SPATA17: variants seen among roughly 807,000 people sequenced by gnomAD.
The protein encoded by SPATA17 is spermatogenesis-associated protein 17.
A neutral mutation model predicts 62.2 loss-of-function variants in SPATA17; 53 were observed. The observed-to-expected ratio is 0.85, with a 90% confidence interval of 0.68 to 1.07. The LOEUF (loss-of-function observed/expected upper bound fraction) is 1.07. Among genes scored for constraint, SPATA17 ranks in the 50% least tolerant of loss-of-function variants. SPATA17 has a pLI of 0.00. For synonymous variants in SPATA17, 146 were observed against 146.8 expected (o/e 0.99, Z 0.04); for missense variants, 466 against 425.5 (o/e 1.10, Z -0.84).
chr1:217,675,469 AT>A (rs1351717892), intron 4 of SPATA17, among the ~76,000 whole-genome samples: 1 of 152,132 alleles, frequency 6.6e-6, no homozygotes, highest in African/African-American at 2.4e-5. Context: ...TGAAATGTTC[AT>A]TGTCTTGTAG....
At chr1:217,729,927 G>C (rs919664316) in intron 5 of SPATA17, among the ~76,000 whole-genome samples, 1 of 152,080 alleles carries the variant, frequency 6.6e-6, no homozygotes, top group Non-Finnish European at 1.5e-5. Flanking sequence ...TTAACAAAAG[G>C]AAAAAGCTCA....
intron 5 of SPATA17, among the ~76,000 whole-genome samples, chr1:217,688,073 A>G (rs1671261038): frequency 6.6e-6 from 1 of 152,068 alleles, no homozygotes; most frequent in South Asian, 2.1e-4. Flanking sequence ...CTTAACTTTT[A>G]AAACCGGAGG....
At chr1:217,717,471 C>T (rs895431712) in intron 5 of SPATA17, among the ~76,000 whole-genome samples, 1 of 151,846 alleles carries the variant, frequency 6.6e-6, no homozygotes, top group South Asian at 2.1e-4. Flanking sequence ...AATTAGCTGG[C>T]GAGGTGGTGG....
At chr1:217,697,000 T>A (rs556530736) in intron 5 of SPATA17, among the ~76,000 whole-genome samples, 106 of 152,268 alleles carry the variant, frequency 7.0e-4, no homozygotes, top group African/African-American at 2.5e-3. Context: ...TCTTTGTTTT[T>A]TTGTTGTTGT....
chr1:217,831,165 A>C (rs984610934), intron 9 of SPATA17, among the ~76,000 whole-genome samples: 5 of 152,134 alleles, frequency 3.3e-5, no homozygotes, highest in African/African-American at 9.7e-5. Context: ...ATGGATTCTA[A>C]AGAGAAAATT....
chr1:217,660,711 A>G (rs960525698), intron 3 of SPATA17, among the ~76,000 whole-genome samples: 1 of 152,126 alleles, frequency 6.6e-6, no homozygotes, highest in Non-Finnish European at 1.5e-5. Context: ...TGCTCCTTCA[A>G]CCTTAGGGCT....
intron 5 of SPATA17, among the ~76,000 whole-genome samples, chr1:217,717,602 C>T (rs890394927): frequency 6.6e-6 from 1 of 151,998 alleles, no homozygotes; most frequent in African/African-American, 2.4e-5. Context: ...GAGTGATACT[C>T]TATCTCAAAA....
intron 3 of SPATA17, among the ~76,000 whole-genome samples, chr1:217,666,787 C>A (rs2102895112): frequency 6.6e-6 from 1 of 152,150 alleles, no homozygotes; most frequent in East Asian, 1.9e-4. Context: ...TATTCTAGTA[C>A]CTCATGTAAG....
intron 5 of SPATA17, among the ~76,000 whole-genome samples, chr1:217,723,040 C>T (rs576003483): frequency 5.3e-5 from 8 of 152,298 alleles, no homozygotes; most frequent in African/African-American, 1.9e-4. Flanking sequence ...CCCAGAGAAT[C>T]TTCCACATAT....
intron 8 of SPATA17, among the ~76,000 whole-genome samples, chr1:217,800,946 T>A (rs1674294022): frequency 6.6e-6 from 1 of 152,188 alleles, no homozygotes; most frequent in Admixed American, 6.5e-5. Flanking sequence ...AGAGTTTATA[T>A]GGGTTTTAAA....
At chr1:217,802,952 G>A (rs1332124941) in intron 9 of SPATA17, among the ~76,000 whole-genome samples, 8 of 152,016 alleles carry the variant, frequency 5.3e-5, no homozygotes, top group Middle Eastern at 3.4e-3. Context: ...TCGCTCTGTC[G>A]CTCAGGCTGG....
chr1:217,834,413 C>T (rs192445891), intron 9 of SPATA17, among the ~76,000 whole-genome samples: 1 of 152,132 alleles, frequency 6.6e-6, no homozygotes, highest in East Asian at 1.9e-4. Context: ...GATGACAGCT[C>T]CATGTGTGTT....
intron 9 of SPATA17, among the ~76,000 whole-genome samples, chr1:217,808,786 C>G (rs1410976772): frequency 6.6e-6 from 1 of 150,520 alleles, no homozygotes; most frequent in Non-Finnish European, 1.5e-5. Flanking sequence ...ACCTGGGAAG[C>G]AGAGGTTGCA....
At chr1:217,866,200 C>G (rs931323721) in intron 10 of SPATA17, among the ~76,000 whole-genome samples, 8 of 152,094 alleles carry the variant, frequency 5.3e-5, no homozygotes, top group African/African-American at 1.9e-4. Flanking sequence ...TTTTGTCATT[C>G]AGTTTGGCAT....
rs201718726 is a variant in SPATA17 at position 217,690,481 on chromosome 1, T to A, written c.395+7120T>A. On this transcript the variant is annotated intron_variant, in intron 5 of 10. Coordinates refer to ENST00000366933, the MANE Select transcript of SPATA17 (RefSeq NM_138796.4). ...ATTTTATTTTATTTTTTATTTTTTT[T>A]TTTTTTAATTATTTTTTTTTATTAT... Among the ~76,000 whole-genome samples, 48 of 149,982 alleles carry A rather than the reference T, an allele frequency of 3.2e-4. 1 individual carries two copies. Among genetic ancestry groups the A allele is most frequent in the East Asian group, 2.9e-3 (15 of 5,154 alleles).
At chr1:217,833,287 C>A (rs1675187341) in intron 9 of SPATA17, among the ~76,000 whole-genome samples, 1 of 152,100 alleles carries the variant, frequency 6.6e-6, no homozygotes, top group Non-Finnish European at 1.5e-5. Context: ...AAACACACAC[C>A]CACATTCAGG....
At chr1:217,753,918 G>C (rs1439864701) in intron 6 of SPATA17, among the ~76,000 whole-genome samples, 1 of 152,028 alleles carries the variant, frequency 6.6e-6, no homozygotes, top group East Asian at 1.9e-4. Flanking sequence ...ATTAATATTT[G>C]CTTATTTTTA....
At chr1:217,636,754 A>G (rs1029415110) in intron 1 of SPATA17, among the ~76,000 whole-genome samples, 5 of 152,060 alleles carry the variant, frequency 3.3e-5, no homozygotes, top group African/African-American at 1.2e-4. Context: ...TGGATAAAGC[A>G]TTTTGCTTTT....
In SPATA17 at chr1:217,860,469, G is replaced by T. The variant is rs117845114; in HGVS notation, c.1006-2305G>T. 4.0e-4 allele frequency among the ~76,000 whole-genome samples: 61 copies of T among 152,196 alleles called. No individual in the cohort carries two copies. In the East Asian group the frequency reaches 0.011, roughly 27 times the overall value. ...TCTGCCTGCTGGATCTGCCAATTAT[G>T]GATAAAGGGGTGTTGAAGTCTCCAA... On this transcript the variant is annotated intron_variant, in intron 9 of 10. Transcript: ENST00000366933.
Sources: allele counts gnomAD v4.1 joint callset (sites outside exome capture counted in the v4.1 genomes callset), GRCh38; gene constraint gnomAD v4.1.1; transcripts MANE v1.5; gene names NCBI Gene and HGNC (gene_info 2026-07-23, HGNC 2026-07-21).